PROS1: variants seen among roughly 807,000 people sequenced by gnomAD.
The protein encoded by PROS1 is protein S, also known as vitamin K-dependent protein S.
In PROS1, 29 loss-of-function variants were observed where a neutral mutation model predicts 75.9. That is an observed-to-expected ratio of 0.38 (90% CI 0.28 to 0.52). The LOEUF (loss-of-function observed/expected upper bound fraction) is 0.52. Ranked by LOEUF, PROS1 falls within the 20% of genes least tolerant of loss-of-function variation. The pLI is 0.83. For synonymous variants in PROS1, 245 were observed against 280.6 expected (o/e 0.87, Z 1.27); for missense variants, 680 against 810.3 (o/e 0.84, Z 1.95).
chr3:93,874,463 C>T, intron 14 of PROS1, 58 bp from the exon 15 acceptor site: 1 of 1,595,864 alleles, frequency 6.3e-7, no homozygotes, highest in Non-Finnish European at 8.6e-7. Flanking sequence ...TGTTTGTTTA[C>T]AGTGAGAGAA....
chr3:93,935,309 C>T (rs1376426223), intron 1 of PROS1, among the ~76,000 whole-genome samples: 1 of 152,142 alleles, frequency 6.6e-6, no homozygotes, highest in Non-Finnish European at 1.5e-5. Context: ...GATAGTCCCA[C>T]ACTCAGCTTT....
At chr3:93,949,314 T>A (rs1709455635) in intron 1 of PROS1, among the ~76,000 whole-genome samples, 1 of 152,214 alleles carries the variant, frequency 6.6e-6, no homozygotes, top group East Asian at 1.9e-4. Context: ...ACAATCAATG[T>A]CACCTACTTT....
intron 1 of PROS1, among the ~76,000 whole-genome samples, chr3:93,931,609 T>C (rs1278029366): frequency 6.6e-6 from 1 of 152,192 alleles, no homozygotes; most frequent in African/African-American, 2.4e-5. Context: ...GAGAAGTACT[T>C]TATCTCCAGC....
chr3:93,943,869 G>T (rs1196527237), intron 1 of PROS1, among the ~76,000 whole-genome samples: 4 of 152,044 alleles, frequency 2.6e-5, no homozygotes, highest in African/African-American at 9.7e-5. Context: ...AGCACCTTGT[G>T]ACCCCTGCCC....
In PROS1 at chr3:93,898,566, A is replaced by G. The variant is rs1401795688; in HGVS notation, c.731T>C (p.Ile244Thr). ...YNLKSKSCED[I>T]DECSENMCAQ... The stretch of plus-strand genomic sequence containing the variant: ...ACACATGTTCTCAGAGCATTCATCT[A>G]TATCTGAGGTAAAAAAAACACACGC... Residue 244 changes from isoleucine (I) to threonine (T), a missense_variant, in exon 8 of 15, where the codon ATA becomes ACA. Ile to Thr is a moderately conservative substitution (Grantham distance 89). Coordinates refer to ENST00000394236, the MANE Select transcript of PROS1 (RefSeq NM_000313.4). The G allele has an allele frequency of 1.9e-6, 3 of 1,612,228 alleles. No homozygotes were observed. Among genetic ancestry groups the G allele is most frequent in the East Asian group, 2.2e-5 (1 of 44,768 alleles).
chr3:93,907,391 T>C (rs1469304857), intron 4 of PROS1, among the ~76,000 whole-genome samples: 1 of 151,992 alleles, frequency 6.6e-6, no homozygotes, highest in African/African-American at 2.4e-5. Flanking sequence ...GAGCTGCTGA[T>C]GGGACAACCA....
At chr3:93,944,281 A>G (rs1399709627) in intron 1 of PROS1, among the ~76,000 whole-genome samples, 1 of 151,788 alleles carries the variant, frequency 6.6e-6, no homozygotes, top group Non-Finnish European at 1.5e-5. Flanking sequence ...CAACGAAAAA[A>G]TCATCAGAAA....
intron 10 of PROS1, among the ~76,000 whole-genome samples, chr3:93,888,073 A>T (rs1708376568): frequency 6.6e-6 from 1 of 152,198 alleles, no homozygotes; most frequent in Non-Finnish European, 1.5e-5. Flanking sequence ...GCTTACAATC[A>T]TCTGAGTTTG....
intron 1 of PROS1, among the ~76,000 whole-genome samples, chr3:93,931,199 T>A (rs948065730): frequency 9.2e-5 from 14 of 152,196 alleles, no homozygotes; most frequent in South Asian, 2.1e-4. Context: ...AGAGGTGACA[T>A]GATTTGCTAC....
chr3:93,926,910 T>C (rs563972265), intron 2 of PROS1, among the ~76,000 whole-genome samples: 4 of 148,146 alleles, frequency 2.7e-5, no homozygotes, highest in South Asian at 2.2e-4. Flanking sequence ...AAAAAGCCCA[T>C]TTTCCTTTAA....
chr3:93,949,884 A>C (rs1709465289), intron 1 of PROS1, among the ~76,000 whole-genome samples: 1 of 152,120 alleles, frequency 6.6e-6, no homozygotes, highest in Non-Finnish European at 1.5e-5. Context: ...CAGGGGGGGC[A>C]TTGCCTCACC....
chr3:93,968,900 G>A (rs1055971704), intron 1 of PROS1, among the ~76,000 whole-genome samples: 1 of 152,128 alleles, frequency 6.6e-6, no homozygotes, highest in African/African-American at 2.4e-5. Flanking sequence ...CCCACAGGTA[G>A]GGACAATAAG....
At chr3:93,932,543 A>AT (rs1271188860) in intron 1 of PROS1, among the ~76,000 whole-genome samples, 1 of 152,164 alleles carries the variant, frequency 6.6e-6, no homozygotes, top group African/African-American at 2.4e-5. Flanking sequence ...AGTCAACTTG[A>AT]TTTTTTTAAC....
rs752918810 is a variant in PROS1, at chr3:93,886,370, A to G, written c.1289T>C (p.Phe430Ser). 4 of 1,613,624 alleles carry G rather than the reference A, an allele frequency of 2.5e-6. No individual in the cohort carries two copies. In the Admixed American group the frequency reaches 5.0e-5, roughly 20 times the overall value. The change falls in exon 11 of 15, where the codon TTC becomes TCC. Residue 430 changes from phenylalanine (F) to serine (S), a missense_variant. Physicochemically the swap from Phe to Ser is radical, Grantham distance 155. Coordinates refer to ENST00000394236, the MANE Select transcript of PROS1 (RefSeq NM_000313.4). Reference sequence around the variant, plus strand: ...GAGTTCACTTTCCACTTTCCGAGGGAATCCTGCAAAGTATACTTTGGTTTC... The same window carrying G: ...GAGTTCACTTTCCACTTTCCGAGGGGATCCTGCAAAGTATACTTTGGTTTC... ...LLETKVYFAG[F>S]PRKVESELIK...
In PROS1 at chr3:93,879,228, C is replaced by G. The variant is rs143448451; in HGVS notation, c.1579G>C (p.Val527Leu). The change falls in exon 13 of 15, where the codon GTT (valine) becomes CTT (leucine). Residue 527 changes from valine to leucine, a missense_variant. Transcript: ENST00000394236. ...STGTGVMLAL[V>L]SGNNTVPFAV... ...AAGGGCACTGTGTTGTTACCAGAAA[C>G]CAAGGCAAGCATAACACCAGTGCCC... 1.2e-6 allele frequency: 2 copies of G among 1,614,020 alleles called. No individual in the cohort carries two copies. Among genetic ancestry groups the G allele is most frequent in the Non-Finnish European group, 1.7e-6 (2 of 1,180,020 alleles).
intron 1 of PROS1, among the ~76,000 whole-genome samples, chr3:93,966,809 CAA>C (rs752321696): frequency 1.8e-3 from 138 of 76,498 alleles, no homozygotes; most frequent in African/African-American, 5.1e-3. Flanking sequence ...GACTCTGTTC[CAA>C]AAAAAAAAAA....
intron 3 of PROS1, 179 bp from the exon 4 acceptor site, chr3:93,910,884 A>T: frequency 1.6e-6 from 1 of 613,752 alleles, no homozygotes; most frequent in Non-Finnish European, 2.9e-6. Context: ...AAAATCTACA[A>T]GCAAGATGGC....
chr3:93,959,823 C>A (rs1709673691), intron 1 of PROS1, among the ~76,000 whole-genome samples: 1 of 152,176 alleles, frequency 6.6e-6, no homozygotes, highest in African/African-American at 2.4e-5. Context: ...ACAGTTCTCA[C>A]CATAGGAGTA....
intron 3 of PROS1, among the ~76,000 whole-genome samples, chr3:93,916,162 A>C (rs1708845216): frequency 6.6e-6 from 1 of 152,118 alleles, no homozygotes; most frequent in African/African-American, 2.4e-5. Context: ...AGGGAGCCAA[A>C]CTCAGCCCCA....
Sources: allele counts gnomAD v4.1 joint callset (sites outside exome capture counted in the v4.1 genomes callset), GRCh38; gene constraint gnomAD v4.1.1; transcripts MANE v1.5; gene names NCBI Gene and HGNC (gene_info 2026-07-23, HGNC 2026-07-21).